The following CAST variants were observed in gnomAD, a reference collection of about 807,000 sequenced individuals.
CAST encodes MIR583 host.
A neutral mutation model predicts 119.6 loss-of-function variants in CAST; 76 were observed. The ratio of observed to expected loss-of-function variants is 0.64; its 90% CI spans 0.53 to 0.77. The LOEUF is 0.77. Ranked by LOEUF, CAST falls within the 30% of genes least tolerant of loss-of-function variation. The pLI is 0.00. For synonymous variants in CAST, 319 were observed against 331.6 expected (o/e 0.96, Z 0.41); for missense variants, 953 against 946.5 (o/e 1.01, Z -0.09).
At chr5:95,979,017 A>G in the CAST span, among the ~76,000 whole-genome samples, 1 of 152,194 alleles carries the variant, frequency 6.6e-6, no homozygotes. Flanking sequence ...GGCAGTATCC[A>G]AAAGAGCAAA....
At chr5:96,253,495 G>A in the CAST span, among the ~76,000 whole-genome samples, 7 of 152,132 alleles carry the variant, frequency 4.6e-5, no homozygotes, top group Non-Finnish European at 8.8e-5. Flanking sequence ...CTGTTGGAGA[G>A]CAAAGTAATC....
the CAST span, among the ~76,000 whole-genome samples, chr5:96,245,693 TG>T: frequency 6.6e-6 from 1 of 152,066 alleles, no homozygotes; most frequent in Non-Finnish European, 1.5e-5. Context: ...AACTAGGCTT[TG>T]GTTCTACACA....
At chr5:96,010,876 T>C in the CAST span, among the ~76,000 whole-genome samples, 1 of 152,186 alleles carries the variant, frequency 6.6e-6, no homozygotes, top group African/African-American at 2.4e-5. Context: ...GTAAATGGGA[T>C]TGTGTTCTTG....
At chr5:96,437,374 T>C in the CAST span, among the ~76,000 whole-genome samples, 1 of 152,170 alleles carries the variant, frequency 6.6e-6, no homozygotes, top group Admixed American at 6.5e-5. Context: ...CATATACAAG[T>C]ATTTAGGTTC....
intron 1 of CAST, among the ~76,000 whole-genome samples, chr5:96,589,385 C>T (rs1311579365): frequency 6.6e-6 from 1 of 152,080 alleles, no homozygotes; most frequent in Non-Finnish European, 1.5e-5. Context: ...TATGTCAATC[C>T]TTTTTCTTCT....
the CAST span, among the ~76,000 whole-genome samples, chr5:96,357,316 C>G: frequency 4.6e-5 from 7 of 152,090 alleles, no homozygotes; most frequent in South Asian, 4.1e-4. Context: ...ATTTGAATAC[C>G]CTTTATTTCT....
chr5:96,117,215 G>A, the CAST span, among the ~76,000 whole-genome samples: 1 of 151,552 alleles, frequency 6.6e-6, no homozygotes, highest in Non-Finnish European at 1.5e-5. Flanking sequence ...AGAAATTTTT[G>A]CCTAACCCAA....
At chr5:96,284,061 A>G in the CAST span, among the ~76,000 whole-genome samples, 1 of 152,186 alleles carries the variant, frequency 6.6e-6, no homozygotes, top group African/African-American at 2.4e-5. Flanking sequence ...GAGGGATACA[A>G]GAGTCGTGAG....
chr5:96,685,636 A>C (rs185513252), intron 2 of CAST, among the ~76,000 whole-genome samples: 4 of 152,314 alleles, frequency 2.6e-5, no homozygotes, highest in African/African-American at 9.6e-5. Flanking sequence ...TTGTATTAGT[A>C]CCAAAACAAA....
chr5:96,052,581 G>T, the CAST span, among the ~76,000 whole-genome samples: 1 of 152,162 alleles, frequency 6.6e-6, no homozygotes, highest in African/African-American at 2.4e-5. Context: ...GCCAACACTG[G>T]TGATTATCAG....
intron 3 of CAST, chr5:96,702,761 G>C: frequency 1.0e-6 from 1 of 985,318 alleles, no homozygotes; most frequent in South Asian, 4.7e-5. Context: ...GGGGCGGGGA[G>C]CATCCTGCGT....
chr5:96,649,729 T>C (rs992564561), intron 1 of CAST, among the ~76,000 whole-genome samples: 1 of 152,214 alleles, frequency 6.6e-6, no homozygotes. Context: ...GAAAATTATG[T>C]TCATCCTGCA....
chr5:96,171,722 C>T, the CAST span, among the ~76,000 whole-genome samples: 11 of 151,996 alleles, frequency 7.2e-5, no homozygotes, highest in Non-Finnish European at 8.8e-5. Flanking sequence ...TGAAGTGTGG[C>T]GCCAAGATTG....
the CAST span, among the ~76,000 whole-genome samples, chr5:96,044,963 G>T: frequency 1.3e-5 from 2 of 152,238 alleles, no homozygotes; most frequent in African/African-American, 4.8e-5. Context: ...CCTTTGGGAA[G>T]TGAGCTGTAG....
the CAST span, among the ~76,000 whole-genome samples, chr5:96,347,882 T>A: frequency 1.3e-5 from 2 of 152,146 alleles, no homozygotes; most frequent in Non-Finnish European, 2.9e-5. Flanking sequence ...TCAGGGTGGA[T>A]GATGTGGAGA....
chr5:96,005,608 G>A, the CAST span, among the ~76,000 whole-genome samples: 7 of 152,104 alleles, frequency 4.6e-5, no homozygotes, highest in African/African-American at 1.4e-4. Flanking sequence ...AGTACTATTT[G>A]ATTATATTAT....
At chr5:96,535,826 G>A (rs1745801761) in intron 1 of CAST, among the ~76,000 whole-genome samples, 1 of 150,808 alleles carries the variant, frequency 6.6e-6, no homozygotes, top group Admixed American at 6.6e-5. Context: ...TCCCGCCTCG[G>A]CCTCCCAAAG....
the CAST span, among the ~76,000 whole-genome samples, chr5:96,122,419 C>T: frequency 6.6e-6 from 1 of 152,046 alleles, no homozygotes; most frequent in East Asian, 1.9e-4. Context: ...AAGTTCCTTC[C>T]TTGGATTTGT....
the CAST span, among the ~76,000 whole-genome samples, chr5:96,363,877 G>A: frequency 6.6e-6 from 1 of 152,184 alleles, no homozygotes; most frequent in African/African-American, 2.4e-5. Flanking sequence ...ATGTTGAATA[G>A]GAGTGTTGAG....
Sources: allele counts gnomAD v4.1 joint callset (sites outside exome capture counted in the v4.1 genomes callset), GRCh38; gene constraint gnomAD v4.1.1; transcripts MANE v1.5; gene names NCBI Gene and HGNC (gene_info 2026-07-23, HGNC 2026-07-21).